The following PTPRT variants were observed in gnomAD, a reference collection of about 807,000 sequenced individuals.
The protein encoded by PTPRT is receptor-type tyrosine-protein phosphatase T.
Under a neutral mutation model 176.8 loss-of-function variants are expected in PTPRT, and 56 were observed. The observed-to-expected ratio is 0.32, with a 90% CI of 0.26 to 0.40. The LOEUF is 0.40. PTPRT is among the 10% of genes least tolerant of loss of function. The pLI is 1.00. For synonymous variants in PTPRT, 783 were observed against 739.0 expected (o/e 1.06, Z -0.96); for missense variants, 1,540 against 1,908.2 (o/e 0.81, Z 3.60).
chr20:42,672,832 C>T (rs2075436469), intron 7 of PTPRT, among the ~76,000 whole-genome samples: 1 of 152,190 alleles, frequency 6.6e-6, no homozygotes, highest in Non-Finnish European at 1.5e-5. Context: ...CCCCACCTGC[C>T]TTAGCTGAAT....
Position 42,641,101 on chromosome 20 carries a change from C to T in PTPRT, c.1153+36765G>A, listed in dbSNP as rs188873763. 1.8e-3 allele frequency among the ~76,000 whole-genome samples: 274 copies of T among 152,132 alleles called. 1 individual carries two copies. The highest frequency in any genetic ancestry group is 3.2e-3 in the Non-Finnish European group (215 of 67,924). The stretch of plus-strand genomic sequence containing the variant: ...ACCATAGTGTTGGGAATTTAGGTTG[C>T]TTCCAATTTTTGCTACCATAAATTG... On this transcript the variant is annotated intron_variant, in intron 7 of 30. Coordinates refer to ENST00000373187, the MANE Select transcript of PTPRT (RefSeq NM_007050.6).
intron 11 of PTPRT, among the ~76,000 whole-genome samples, chr20:42,337,468 T>TAC (rs2058056340): frequency 6.6e-6 from 1 of 152,190 alleles, no homozygotes; most frequent in Admixed American, 6.5e-5. Context: ...ATTGTGAGTG[T>TAC]ACAGTCAATG....
intron 1 of PTPRT, among the ~76,000 whole-genome samples, chr20:43,011,345 G>A (rs1017507181): frequency 4.8e-4 from 73 of 152,196 alleles, no homozygotes; most frequent in African/African-American, 1.7e-3. Flanking sequence ...GTCTCCTCCT[G>A]TAATTTTTAA....
chr20:42,519,375 C>G (rs1363098298), intron 7 of PTPRT, among the ~76,000 whole-genome samples: 1 of 152,090 alleles, frequency 6.6e-6, no homozygotes, highest in Non-Finnish European at 1.5e-5. Flanking sequence ...CAAGGGACAT[C>G]TGTCTTGTTT....
At chr20:42,310,115 A>G (rs560365587) in intron 12 of PTPRT, among the ~76,000 whole-genome samples, 2 of 152,120 alleles carry the variant, frequency 1.3e-5, no homozygotes, top group East Asian at 3.9e-4. Context: ...AAAGTGAAAA[A>G]CATGTTGGAA....
At chr20:42,683,381 G>A (rs187305032) in intron 6 of PTPRT, among the ~76,000 whole-genome samples, 146 of 152,148 alleles carry the variant, frequency 9.6e-4, no homozygotes, top group African/African-American at 3.3e-3. Flanking sequence ...GGGTTCAAGC[G>A]ATTTTCCTGC....
chr20:42,505,336 C>T (rs1386720522), intron 7 of PTPRT, among the ~76,000 whole-genome samples: 1 of 152,148 alleles, frequency 6.6e-6, no homozygotes, highest in Non-Finnish European at 1.5e-5. Context: ...GAGTCCCGCT[C>T]TGTCTCCCAG....
intron 7 of PTPRT, among the ~76,000 whole-genome samples, chr20:42,479,603 A>C (rs1182227960): frequency 6.6e-6 from 1 of 152,178 alleles, no homozygotes; most frequent in African/African-American, 2.4e-5. Context: ...CACCTCTTCT[A>C]ATTTATTGCA....
At chr20:42,562,048 T>TC (rs5841467) in intron 7 of PTPRT, among the ~76,000 whole-genome samples, 36,392 of 152,118 alleles carry the variant, frequency 0.24, 4,940 homozygotes, top group African/African-American at 0.37. Flanking sequence ...TCACCTCACC[T>TC]TCTGGGTTTC....
chr20:42,907,897 G>T (rs764637858), intron 1 of PTPRT, among the ~76,000 whole-genome samples: 3 of 152,054 alleles, frequency 2.0e-5, no homozygotes, highest in Non-Finnish European at 4.4e-5. Context: ...CCACCAAACA[G>T]AAATAAACCA....
rs545938743 is a variant in PTPRT, at chr20:42,273,492, G to A, written c.2176+8997C>T. ...AGCCTCCCAAAGTGCTGGAATTATA[G>A]GCGTGAGCCACCGCACCCAGCCATA... On this transcript the variant is annotated intron_variant, in intron 13 of 30. Transcript: ENST00000373187. 3.3e-5 allele frequency among the ~76,000 whole-genome samples: 5 copies of A among 152,306 alleles called. 1 individual carries two copies. Among genetic ancestry groups the A allele is most frequent in the South Asian group, 2.1e-4 (1 of 4,826 alleles).
chr20:42,590,519 A>G (rs952443082), intron 7 of PTPRT, among the ~76,000 whole-genome samples: 18 of 152,072 alleles, frequency 1.2e-4, no homozygotes, highest in African/African-American at 4.3e-4. Flanking sequence ...GGGGACATAA[A>G]AAAGTAACCA....
intron 1 of PTPRT, among the ~76,000 whole-genome samples, chr20:43,032,044 C>A (rs1986159051): frequency 6.6e-6 from 1 of 152,184 alleles, no homozygotes; most frequent in South Asian, 2.1e-4. Context: ...TCATCACAGG[C>A]ACCACGCATG....
intron 1 of PTPRT, among the ~76,000 whole-genome samples, chr20:43,052,926 T>G (rs1378102804): frequency 6.6e-6 from 1 of 152,182 alleles, no homozygotes; most frequent in African/African-American, 2.4e-5. Flanking sequence ...TTCTTAGGTA[T>G]AGACCCCAAA....
chr20:42,191,489 T>TCTTGGAAA lies in PTPRT; in HGVS notation c.2491+7750_2491+7751insTTTCCAAG, dbSNP rs1258872237. ...CATGGTTGTCTTGGAAACCACACAT[T>TCTTGGAAA]CCGTGGGCATGGACCAAATGGAGAC... On this transcript the variant is annotated intron_variant, in intron 16 of 30. Coordinates refer to ENST00000373187, the MANE Select transcript of PTPRT (RefSeq NM_007050.6). Among the ~76,000 whole-genome samples, 82 of 152,148 alleles carry TCTTGGAAA rather than the reference T, an allele frequency of 5.4e-4. 1 individual carries two copies. Among genetic ancestry groups the TCTTGGAAA allele is most frequent in the African/African-American group, 2.0e-3 (81 of 41,432 alleles).
chr20:42,437,555 G>T (rs952937850), intron 9 of PTPRT, among the ~76,000 whole-genome samples: 1 of 152,198 alleles, frequency 6.6e-6, no homozygotes, highest in Non-Finnish European at 1.5e-5. Flanking sequence ...GACATGGTAT[G>T]TATGTATGTA....
the PTPRT span, among the ~76,000 whole-genome samples, chr20:42,059,426 T>A: frequency 6.6e-6 from 1 of 152,078 alleles, no homozygotes; most frequent in African/African-American, 2.4e-5. Context: ...AGGGAAAAGG[T>A]GGATGAGATG....
intron 7 of PTPRT, among the ~76,000 whole-genome samples, chr20:42,577,801 A>G (rs2073287899): frequency 6.6e-6 from 1 of 151,262 alleles, no homozygotes. Context: ...AAGCAGTCTA[A>G]CCAAACAAGA....
chr20:42,187,769 G>A (rs1367942685), intron 16 of PTPRT, among the ~76,000 whole-genome samples: 1 of 152,200 alleles, frequency 6.6e-6, no homozygotes, highest in Non-Finnish European at 1.5e-5. Flanking sequence ...TTTCCAGAAT[G>A]CTCTGCACTT....
Sources: gnomAD v4.1 joint callset for allele counts (sites outside exome capture counted in the v4.1 genomes callset) on GRCh38, gnomAD v4.1.1 for gene constraint, MANE v1.5 for transcripts, NCBI Gene and HGNC (gene_info 2026-07-23, HGNC 2026-07-21) for gene names.